The following PEAK1 variants were observed in gnomAD, a reference collection of about 807,000 sequenced individuals.
PEAK1 encodes inactive tyrosine-protein kinase PEAK1.
PEAK1 carries 54 observed loss-of-function variants against 124.7 expected under a neutral mutation model. That is an observed-to-expected ratio of 0.43 (90% CI 0.35 to 0.54). PEAK1 has a LOEUF of 0.54. PEAK1 is among the 20% of genes least tolerant of loss of function. The probability of loss-of-function intolerance (pLI) is 0.01; values close to 1 mark genes in which losing one functional copy is unlikely to be tolerated. For missense variants in PEAK1, 2,046 were observed against 2,134.5 expected (o/e 0.96, Z 0.82); for synonymous variants, 719 against 760.0 (o/e 0.95, Z 0.89).
chr15:77,152,905 G>A (rs2152774208), intron 8 of PEAK1, among the ~76,000 whole-genome samples: 1 of 152,184 alleles, frequency 6.6e-6, no homozygotes, highest in East Asian at 1.9e-4. Flanking sequence ...ATTTTATTGA[G>A]GATTTTTGCA....
chr15:77,375,042 C>T (rs1324229973), intron 1 of PEAK1, among the ~76,000 whole-genome samples: 1 of 152,044 alleles, frequency 6.6e-6, no homozygotes, highest in Non-Finnish European at 1.5e-5. Context: ...TTTAAAGTCC[C>T]ACTAATCTTA....
intron 5 of PEAK1, among the ~76,000 whole-genome samples, chr15:77,257,149 C>T (rs1282251939): frequency 6.6e-6 from 1 of 152,048 alleles, no homozygotes; most frequent in Non-Finnish European, 1.5e-5. Context: ...GGGTTGGTTC[C>T]AAGTCTTTAC....
chr15:77,255,625 A>T, intron 5 of PEAK1: 1 of 152,606 alleles, frequency 6.6e-6, no homozygotes, highest in Non-Finnish European at 1.5e-5. Flanking sequence ...CAGAACATTC[A>T]TAGTACTGGA....
intron 2 of PEAK1, among the ~76,000 whole-genome samples, chr15:77,361,464 AG>A (rs1306428073): frequency 1.3e-5 from 2 of 152,198 alleles, no homozygotes; most frequent in African/African-American, 4.8e-5. Flanking sequence ...AATCAAAAAA[AG>A]AATGAAAAAA....
chr15:77,181,753 C>A lies in PEAK1; in HGVS notation c.174G>T (p.Thr58=). 1 of 1,614,018 alleles carries A rather than the reference C, an allele frequency of 6.2e-7. No individual in the cohort carries two copies. Residue 58 remains threonine, a synonymous_variant, in exon 7 of 10, where the codon ACG becomes ACT. Transcript: ENST00000682557. ...NHSNNHRIRN[T]GNFRPPVAKK... ...TAGCCACAGGAGGCCGGAAATTGCC[C>A]GTGTTCCTGATGCGGTGGTTGTTAC...
At chr15:77,234,736 A>G (rs1269932930) in intron 6 of PEAK1, among the ~76,000 whole-genome samples, 1 of 152,082 alleles carries the variant, frequency 6.6e-6, no homozygotes, top group Admixed American at 6.6e-5. Flanking sequence ...CCTGGGCTCA[A>G]GAGATCCTCC....
At chr15:77,334,036 A>T (rs2066048185) in intron 2 of PEAK1, 29 of 630,340 alleles carry the variant, frequency 4.6e-5, no homozygotes, top group Non-Finnish European at 5.7e-5. Flanking sequence ...TATTAGAAAC[A>T]TGTTTAATCT....
chr15:77,119,305 A>G (rs2051696168), intron 9 of PEAK1, among the ~76,000 whole-genome samples: 2 of 152,228 alleles, frequency 1.3e-5, no homozygotes, highest in African/African-American at 4.8e-5. Flanking sequence ...GTATATACAT[A>G]TGCACCAACA....
At chr15:77,352,875 T>A (rs951778050) in intron 2 of PEAK1, 15 of 985,230 alleles carry the variant, frequency 1.5e-5, no homozygotes, top group Admixed American at 6.2e-5. Context: ...AGACATTTAG[T>A]GAAGGATCAA....
intron 2 of PEAK1, chr15:77,332,443 C>CA (rs1469403160): frequency 2.9e-5 from 6 of 204,102 alleles, no homozygotes; most frequent in South Asian, 1.7e-4. Context: ...ACTAAAAATA[C>CA]AAAAAAATTA....
intron 8 of PEAK1, among the ~76,000 whole-genome samples, chr15:77,142,242 T>G (rs927589444): frequency 6.6e-6 from 1 of 152,192 alleles, no homozygotes; most frequent in Non-Finnish European, 1.5e-5. Flanking sequence ...GCATCATCAC[T>G]CATGAGGTAA....
At chr15:77,327,825 A>G (rs1290598397) in intron 2 of PEAK1, among the ~76,000 whole-genome samples, 2 of 152,164 alleles carry the variant, frequency 1.3e-5, no homozygotes, top group Admixed American at 1.3e-4. Flanking sequence ...AGATAAAGTG[A>G]TGAAAATTAA....
intron 2 of PEAK1, among the ~76,000 whole-genome samples, chr15:77,325,288 T>C (rs2065495216): frequency 6.6e-6 from 1 of 152,020 alleles, no homozygotes; most frequent in African/African-American, 2.4e-5. Context: ...CACACACCTG[T>C]ATTCCCAGCT....
chr15:77,221,838 T>A (rs2059405120), intron 6 of PEAK1, among the ~76,000 whole-genome samples: 2 of 152,104 alleles, frequency 1.3e-5, no homozygotes, highest in Admixed American at 6.6e-5. Context: ...AGGCTCTGCC[T>A]GAAAAGATTA....
At chr15:77,345,642 G>C (rs1034456742) in intron 2 of PEAK1, among the ~76,000 whole-genome samples, 2 of 152,124 alleles carry the variant, frequency 1.3e-5, no homozygotes, top group African/African-American at 4.8e-5. Context: ...CCCAGAATTG[G>C]TATACTGTTT....
In PEAK1 at chr15:77,114,889, C is replaced by G. The variant is rs2051219761; in HGVS notation, c.4508G>C (p.Gly1503Ala). The change falls in exon 10 of 10, where the codon GGT (glycine) becomes GCT (alanine). Residue 1503 changes from glycine to alanine, a missense_variant. Transcript: ENST00000682557. The part of the protein sequence containing the change: ...VCLLLLQLCS[G>A]LEHLKPYHVT... ...ATGGTAGGGTTTGAGGTGCTCAAGA[C>G]CAGAGCATAGCTGTAAGAGCAGCAG... is the stretch of plus-strand genomic sequence containing the variant. 1 of 1,613,842 alleles carries G rather than the reference C, an allele frequency of 6.2e-7. No homozygotes were observed. Among genetic ancestry groups the G allele is most frequent in the South Asian group, 1.1e-5 (1 of 91,064 alleles).
chr15:77,259,085 G>A (rs1414807799), intron 5 of PEAK1, among the ~76,000 whole-genome samples: 4 of 152,142 alleles, frequency 2.6e-5, no homozygotes, highest in Non-Finnish European at 5.9e-5. Flanking sequence ...TAAAGGTAGA[G>A]TTAAGTAGTT....
chr15:77,191,228 C>T (rs1052228567), intron 6 of PEAK1, among the ~76,000 whole-genome samples: 4 of 151,958 alleles, frequency 2.6e-5, no homozygotes, highest in Non-Finnish European at 4.4e-5. Context: ...TAATAACTAC[C>T]GTCAAACAAA....
rs374798641 is a variant in PEAK1, at chr15:77,114,844, C to T, written c.4553G>A (p.Arg1518His). The part of the protein sequence containing the change: ...KPYHVTHCDL[R>H]LENLLLVHYQ... The stretch of plus-strand genomic sequence containing the variant: ...GTGGACAAGTAGCAGGTTCTCTAGG[C>T]GTAGATCGCAGTGAGTGACATGGTA... Residue 1518 changes from arginine (R) to histidine (H), a missense_variant, in exon 10 of 10, where the codon CGC becomes CAC. By Grantham distance (29) the Arg-to-His change is conservative (BLOSUM62 0). Coordinates refer to ENST00000682557, the MANE Select transcript of PEAK1 (RefSeq NM_001385026.1). 2.2e-5 allele frequency: 35 copies of T among 1,613,250 alleles called. No homozygotes were observed. The highest frequency in any genetic ancestry group is 2.9e-5 in the Non-Finnish European group (34 of 1,179,954).
Sources: allele counts gnomAD v4.1 joint callset (sites outside exome capture counted in the v4.1 genomes callset), GRCh38; gene constraint gnomAD v4.1.1; transcripts MANE v1.5; gene names NCBI Gene and HGNC (gene_info 2026-07-23, HGNC 2026-07-21).